TAL1: variants seen among roughly 807,000 people sequenced by gnomAD.
TAL1 encodes the protein TAL bHLH transcription factor 1, erythroid differentiation factor.
TAL1 carries 8 observed loss-of-function variants against 17.9 expected under a neutral mutation model. The observed-to-expected ratio is 0.45, with a 90% CI of 0.26 to 0.81. TAL1 has a LOEUF of 0.81. Ranked by LOEUF, TAL1 falls within the 30% of genes least tolerant of loss-of-function variation. The pLI, the probability that TAL1 is intolerant of heterozygous loss-of-function variation, is 0.17. For synonymous variants in TAL1, 223 were observed against 218.6 expected, an observed-to-expected ratio of 1.02 and a Z score of -0.18; for missense variants, 466 against 486.9, an observed-to-expected ratio of 0.96 and a Z score of 0.40.
At chr1:47,218,080 C>G (rs1645534878) in exon 4 of TAL1, 1 of 272,630 alleles carries the variant, frequency 3.7e-6, no homozygotes, top group African/African-American at 2.1e-5. Context: ...AGCCACTAGG[C>G]TGAAGCCCAA....
At chr1:47,222,916 G>A (rs1569900817) in intron 3 of TAL1, among the ~76,000 whole-genome samples, 1 of 152,132 alleles carries the variant, frequency 6.6e-6, no homozygotes, top group African/African-American at 2.4e-5. Context: ...TCTTCTTCCT[G>A]TTTGGTACAC....
At chr1:47,227,146 C>T (rs1643925574) in intron 1 of TAL1, 1 of 152,214 alleles carries the variant, frequency 6.6e-6, no homozygotes, top group Non-Finnish European at 1.5e-5. Context: ...TGACCACAGC[C>T]ACTCTACTTC....
intron 3 of TAL1, chr1:47,223,626 T>A (rs1261563216): frequency 5.8e-6 from 1 of 171,926 alleles, no homozygotes; most frequent in Non-Finnish European, 1.2e-5. Context: ...GTGCCTAGAA[T>A]GGGGGATCGG....
At position 47,225,713 on chromosome 1, in the gene TAL1, C is replaced by T. The variant is rs1287798064; in HGVS notation, c.176G>A (p.Gly59Asp). 12 of 1,464,390 alleles carry T rather than the reference C, an allele frequency of 8.2e-6. No homozygotes were observed. The highest frequency in any genetic ancestry group is 1.1e-5 in the Non-Finnish European group (12 of 1,117,130). The allele number at this position is 1,464,390 out of a possible 1,614,324, so 90.7% of individuals were successfully genotyped here. A position where few individuals can be genotyped will look rare whatever the true frequency, so the allele number is the denominator to read the frequency against. Residue 59 changes from glycine (G) to aspartate (D), a missense_variant, in exon 2 of 4, where the codon GGC becomes GAC. This residue lies in a region of TAL1 where 130 missense variants were observed against 119.5 expected (regional missense o/e 1.09). Transcript: ENST00000294339. ...CCCACCGGCAGGGCCGCCCCCCGGGCCTCCGCGCGCGCCCAGTTCGATGAC... is the reference window on the plus strand; with the variant it reads ...CCCACCGGCAGGGCCGCCCCCCGGGTCTCCGCGCGCGCCCAGTTCGATGAC...
chr1:47,223,942 T>C (rs1643870718), intron 3 of TAL1, 62 bp downstream of exon 4: 5 of 1,509,266 alleles, frequency 3.3e-6, no homozygotes, highest in South Asian at 2.3e-5. Flanking sequence ...AGATGTTCCC[T>C]CCTCCAGAGG....
At chr1:47,216,980 C>A (rs895073910) in exon 4 of TAL1, 1 of 231,990 alleles carries the variant, frequency 4.3e-6, no homozygotes, top group Admixed American at 5.6e-5. Context: ...CCTTTCCTAC[C>A]AGGCTTGTTT....
Position 47,220,242 on chromosome 1 carries a change from C to T in TAL1, c.542-68G>A, listed in dbSNP as rs996795356. The T allele has an allele frequency of 2.8e-5, 40 of 1,444,458 alleles. No homozygotes were observed. In the East Asian group the frequency reaches 9.0e-4, roughly 32 times the overall value. The allele number at this position is 1,444,458 out of a possible 1,614,324, so 89.5% of individuals were successfully genotyped here. ...TTCCTTCCCCAAAGGCATCTCCATACATTGGGAAACTTGGGAAGCCTAGAA... is the reference window on the plus strand; with the variant it reads ...TTCCTTCCCCAAAGGCATCTCCATATATTGGGAAACTTGGGAAGCCTAGAA... On this transcript the variant is annotated intron_variant, in intron 3 of 3. Transcript: ENST00000294339.
chr1:47,217,384 C>T (rs547195941), exon 4 of TAL1: 4 of 393,560 alleles, frequency 1.0e-5, no homozygotes, highest in Non-Finnish European at 1.8e-5. Flanking sequence ...AAGACACCGT[C>T]TCTCACACAC....
chr1:47,232,045 AC>A, upstream of TAL1: 1 of 227,324 alleles, frequency 4.4e-6, no homozygotes, highest in Non-Finnish European at 8.7e-6. Context: ...ATCGAAAGGA[AC>A]CGAGGGAAAG....
intron 1 of TAL1, chr1:47,228,548 C>G (rs1256962809): frequency 5.6e-6 from 1 of 179,088 alleles, no homozygotes; most frequent in Non-Finnish European, 1.2e-5. Flanking sequence ...ACAGAAGACC[C>G]CAGGAGATTC....
At chr1:47,228,595 A>G (rs1643949742) in intron 1 of TAL1, 1 of 174,838 alleles carries the variant, frequency 5.7e-6, no homozygotes, top group Non-Finnish European at 1.2e-5. Context: ...CCAATCCCCC[A>G]TACAGAGAAT....
chr1:47,216,796 T>G (rs75623452), exon 4 of TAL1: 2,601 of 231,132 alleles, frequency 0.011, 64 homozygotes, highest in African/African-American at 0.054. Context: ...AAAATGTTGT[T>G]TTGTTTTGTT....
exon 2 of TAL1, chr1:47,225,714 C>A: frequency 6.8e-7 from 1 of 1,467,354 alleles, no homozygotes; most frequent in Non-Finnish European, 8.9e-7. Context: ...CCCCCCGGGC[C>A]TCCGCGCGCG....
exon 4 of TAL1, chr1:47,217,381 C>T (rs1439705595): frequency 1.8e-5 from 7 of 392,840 alleles, no homozygotes; most frequent in Admixed American, 4.4e-5. Flanking sequence ...AACAAGACAC[C>T]GTCTCTCACA....
At chr1:47,218,489 C>A in exon 4 of TAL1, 1 of 232,948 alleles carries the variant, frequency 4.3e-6, no homozygotes, top group Non-Finnish European at 8.5e-6. Flanking sequence ...TGCATTAAAC[C>A]AACCTCCCAG....
At chr1:47,228,353 T>C (rs1372204071) in intron 1 of TAL1, 2 of 183,102 alleles carry the variant, frequency 1.1e-5, no homozygotes, top group Non-Finnish European at 2.3e-5. Context: ...CCCGAGAGAT[T>C]TTGTTTGTTT....
At chr1:47,225,831 C>G (rs1349428604) in exon 2 of TAL1, 2 of 1,582,914 alleles carry the variant, frequency 1.3e-6, no homozygotes, top group South Asian at 2.2e-5. Flanking sequence ...TCGGCCGCGT[C>G]CCGTCCCTCT....
In TAL1 at chr1:47,219,632, C is replaced by G. The variant is rs1337157790; in HGVS notation, c.*88G>C. 3 of 1,567,036 alleles carry G rather than the reference C, an allele frequency of 1.9e-6. No individual in the cohort carries two copies. In the African/African-American group the frequency reaches 4.0e-5, roughly 21 times the overall value. The stretch of plus-strand genomic sequence containing the variant: ...CAAGTCCACCGCCTTGCTTCAGAGC[C>G]GCCCAATTCTCACCCCACCTGCCCT... On this transcript the variant is annotated 3_prime_UTR_variant, in exon 4 of 4. Coordinates refer to ENST00000294339, the Ensembl canonical transcript of TAL1.
At chr1:47,232,295 C>G (rs879608599), upstream of TAL1, 2 of 161,398 alleles carry the variant, frequency 1.2e-5, no homozygotes, top group East Asian at 2.9e-4. Context: ...CACCGACGCG[C>G]TGTAATCCCA....
Sources: allele counts gnomAD v4.1 joint callset (sites outside exome capture counted in the v4.1 genomes callset), GRCh38; gene constraint gnomAD v4.1.1; regional missense constraint gnomAD v4.1.1; transcripts MANE v1.5; gene names NCBI Gene and HGNC (gene_info 2026-07-23, HGNC 2026-07-21).